The following ATP2C1 variants were observed in gnomAD, a reference collection of about 807,000 sequenced individuals.
ATP2C1 encodes calcium-transporting ATPase type 2C member 1.
ATP2C1 carries 31 observed loss-of-function variants against 120.5 expected under a neutral mutation model. The ratio of observed to expected loss-of-function variants is 0.26; its 90% CI spans 0.19 to 0.35. The LOEUF is 0.35. Ranked by LOEUF, ATP2C1 falls within the 10% of genes least tolerant of loss-of-function variation. ATP2C1 has a pLI of 1.00. For missense variants in ATP2C1, 731 were observed against 1,107.5 expected, an observed-to-expected ratio of 0.66 and a Z score of 4.83; for synonymous variants, 351 against 358.7, an observed-to-expected ratio of 0.98 and a Z score of 0.24.
At chr3:130,878,129 G>A (rs867921052) in intron 1 of ATP2C1, among the ~76,000 whole-genome samples, 2 of 120,984 alleles carry the variant, frequency 1.7e-5, no homozygotes, top group South Asian at 6.6e-4. Context: ...CACACACTGG[G>A]GCCTGTCGTG....
chr3:130,944,558 C>G (rs995448456), intron 8 of ATP2C1, among the ~76,000 whole-genome samples: 10 of 152,068 alleles, frequency 6.6e-5, no homozygotes, highest in Non-Finnish European at 1.5e-4. Context: ...GCCTCATGAC[C>G]GCATCTAACC....
At chr3:130,879,912 G>A (rs1207157206) in intron 1 of ATP2C1, among the ~76,000 whole-genome samples, 1 of 152,116 alleles carries the variant, frequency 6.6e-6, no homozygotes, top group East Asian at 1.9e-4. Flanking sequence ...TTGGGCCCCT[G>A]GGCAGCACAT....
rs1469846161 is a variant in ATP2C1, at chr3:130,894,327, C to T, written c.-191C>T. On this transcript the variant is annotated 5_prime_UTR_variant, in exon 1 of 28. Transcript: ENST00000510168. This position sits in a 1 kb window ranked among gnomAD's most constrained non-coding sequence, Gnocchi z 4.5. ...CCCCGCAGCCTGGAGGAGGGCTGTC[C>T]GGGGCTTTGGGTGGGTACCAGTATT... 1.0e-5 allele frequency: 10 copies of T among 994,734 alleles called. No homozygotes were observed. The highest frequency in any genetic ancestry group is 4.3e-5 in the South Asian group (1 of 23,098). The allele number at this position is 994,734 out of a possible 1,614,324, so 61.6% of individuals were successfully genotyped here. A position where few individuals can be genotyped will look rare whatever the true frequency, so the allele number is the denominator to read the frequency against.
chr3:130,982,960 A>G (rs746396042), intron 20 of ATP2C1, among the ~76,000 whole-genome samples: 41 of 152,190 alleles, frequency 2.7e-4, no homozygotes, highest in Non-Finnish European at 5.1e-4. Flanking sequence ...GCTACTTTAT[A>G]CTGTTATAAT....
rs941791608 is a variant in ATP2C1 at position 130,941,719 on chromosome 3, G to A, written c.531+20G>A. ...TTTGAGGTAAATTTGGGATCTGATT[G>A]TAATAAGTGAAAATACGTGGATGTA... is the stretch of plus-strand genomic sequence containing the variant. On this transcript the variant is annotated intron_variant, in intron 8 of 27. Coordinates refer to ENST00000510168, the MANE Select transcript of ATP2C1 (RefSeq NM_001378687.1). The A allele has an allele frequency of 4.5e-6, 7 of 1,559,572 alleles. No homozygotes were observed. The highest frequency in any genetic ancestry group is 6.2e-6 in the Non-Finnish European group (7 of 1,130,574).
chr3:130,859,194 G>A lies in ATP2C1; in HGVS notation c.108+8266G>A, dbSNP rs184964077. On this transcript the variant is annotated intron_variant, in intron 1 of 26. Transcript: ENST00000504381. Reference sequence around the variant, plus strand: ...GCATAGATGTGTAGTTAGGATTCCCGTTTTATTTGGTTAGTGGTAAATACT... The same window carrying A: ...GCATAGATGTGTAGTTAGGATTCCCATTTTATTTGGTTAGTGGTAAATACT... 4.3e-4 allele frequency among the ~76,000 whole-genome samples: 65 copies of A among 152,268 alleles called. No individual in the cohort carries two copies. The East Asian group carries it at 0.011, about 25-fold the overall frequency.
chr3:131,001,364 A>C lies in ATP2C1; in HGVS notation c.*14A>C. 1 of 1,611,526 alleles carries C rather than the reference A, an allele frequency of 6.2e-7. No individual in the cohort carries two copies. Among genetic ancestry groups the C allele is most frequent in the Non-Finnish European group, 8.5e-7 (1 of 1,178,576 alleles). The stretch of plus-strand genomic sequence containing the variant: ...CTTGAAGTATGATGCATATTGCATT[A>C]TTTTATTTGCAAACTAGGAATTGCA... On this transcript the variant is annotated 3_prime_UTR_variant, in exon 28 of 28. Transcript: ENST00000510168.
chr3:130,923,247 G>C (rs1437634568), intron 2 of ATP2C1, among the ~76,000 whole-genome samples: 2 of 150,642 alleles, frequency 1.3e-5, no homozygotes, highest in African/African-American at 4.9e-5. Flanking sequence ...TTTTGTTGGA[G>C]ACAGAGTCTT....
chr3:130,934,575 T>G (rs2059587314), intron 4 of ATP2C1, 47 bp from the exon 5 acceptor site: 1 of 1,228,552 alleles, frequency 8.1e-7, no homozygotes, highest in East Asian at 2.3e-5. Context: ...CTGAGAGAAC[T>G]GTCATGTACA....
chr3:130,941,575 C>A lies in ATP2C1; in HGVS notation c.423-16C>A, dbSNP rs577180283. 1.6e-5 allele frequency: 25 copies of A among 1,598,282 alleles called. No homozygotes were observed. The Admixed American group carries it at 1.7e-4, about 11-fold the overall frequency. The stretch of plus-strand genomic sequence containing the variant: ...TTTTTTTTTTTAACCATGGTTGTTT[C>A]TATTTCGTGTTACAGTGTGCGTGAA... On this transcript the variant is annotated splice_polypyrimidine_tract_variant and intron_variant, in intron 7 of 27. Transcript: ENST00000510168.
chr3:130,888,011 GATTA>G (rs2069036489), intron 1 of ATP2C1, among the ~76,000 whole-genome samples: 1 of 152,154 alleles, frequency 6.6e-6, no homozygotes, highest in South Asian at 2.1e-4. Flanking sequence ...TATTGCGGCT[GATTA>G]TTTAGTACCC....
At position 130,894,573 on chromosome 3, in the gene ATP2C1, C is replaced by T. The variant is rs150899983; in HGVS notation, c.-180-17C>T. 3 of 1,446,718 alleles carry T rather than the reference C, an allele frequency of 2.1e-6. No homozygotes were observed. The highest frequency in any genetic ancestry group is 2.7e-6 in the Non-Finnish European group (3 of 1,098,662). The allele number at this position is 1,446,718 out of a possible 1,614,324, so 89.6% of individuals were successfully genotyped here. Reference sequence around the variant, plus strand: ...TCAGCCTCTCGTCAGCGCCGCTTCTCCTGGTTTCTCTTGCAGATGCTGCTG... The same window carrying T: ...TCAGCCTCTCGTCAGCGCCGCTTCTTCTGGTTTCTCTTGCAGATGCTGCTG... On this transcript the variant is annotated splice_polypyrimidine_tract_variant and intron_variant, in intron 1 of 27. Transcript: ENST00000510168. The surrounding 1 kb of genome is among the most constrained non-coding windows in gnomAD (Gnocchi z 4.5).
chr3:130,913,520 A>G (rs2058541853), intron 2 of ATP2C1, among the ~76,000 whole-genome samples: 1 of 152,226 alleles, frequency 6.6e-6, no homozygotes, highest in African/African-American at 2.4e-5. Flanking sequence ...TGGCATCAGA[A>G]GACTGTACAG....
At chr3:130,933,340 A>G (rs188857761) in intron 4 of ATP2C1, among the ~76,000 whole-genome samples, 1 of 152,314 alleles carries the variant, frequency 6.6e-6, no homozygotes, top group Admixed American at 6.5e-5. Flanking sequence ...TTTAGGGGAA[A>G]ATAAAAAAGA....
Position 130,965,067 on chromosome 3 carries a change from A to G in ATP2C1, c.1122+22A>G, listed in dbSNP as rs183567655. On this transcript the variant is annotated intron_variant, in intron 14 of 27. Coordinates refer to ENST00000510168, the MANE Select transcript of ATP2C1 (RefSeq NM_001378687.1). ...TGAGGTACTCTATAGGTTTTTAAAA[A>G]CAAACAAAAACAGTATCCCTTTAAG... is the stretch of plus-strand genomic sequence containing the variant. The G allele has an allele frequency of 2.6e-5, 39 of 1,527,318 alleles. No homozygotes were observed. In the African/African-American group the frequency reaches 4.1e-4, roughly 16 times the overall value. The allele number at this position is 1,527,318 out of a possible 1,614,324, so 94.6% of individuals were successfully genotyped here.
At chr3:130,892,618 A>G (rs2069219980), upstream of ATP2C1, among the ~76,000 whole-genome samples, 2 of 151,258 alleles carry the variant, frequency 1.3e-5, no homozygotes, top group Non-Finnish European at 2.9e-5. Flanking sequence ...CAAATATAGA[A>G]GCACAGGCAA....
chr3:130,899,399 T>C (rs1271279382), intron 2 of ATP2C1: 8 of 152,234 alleles, frequency 5.3e-5, no homozygotes, highest in African/African-American at 1.7e-4. Flanking sequence ...AGAAAAAAAC[T>C]TACCAAGAAA....
intron 1 of ATP2C1, among the ~76,000 whole-genome samples, chr3:130,877,574 C>T (rs1172767116): frequency 6.6e-6 from 1 of 152,038 alleles, no homozygotes; most frequent in Non-Finnish European, 1.5e-5. Flanking sequence ...AAATGCAAAT[C>T]AAAACCACAA....
In ATP2C1 at chr3:130,894,256, T is replaced by G. The variant is rs912626698; in HGVS notation, c.-262T>G. 1.3e-5 allele frequency: 13 copies of G among 983,944 alleles called. No individual in the cohort carries two copies. In the African/African-American group the frequency reaches 2.3e-4, roughly 17 times the overall value. The allele number at this position is 983,944 out of a possible 1,614,324, so 61.0% of individuals were successfully genotyped here. ...ACCGCTGCCCCGCGAGCAGCTCCTC[T>G]TCTCCCGAGGCGCGCGGGGCGCCCC... On this transcript the variant is annotated 5_prime_UTR_variant, in exon 1 of 28. Transcript: ENST00000510168. The surrounding 1 kb of genome is among the most constrained non-coding windows in gnomAD (Gnocchi z 4.5).
Sources: gnomAD v4.1 joint callset for allele counts (sites outside exome capture counted in the v4.1 genomes callset) on GRCh38, gnomAD v4.1.1 for gene constraint, Gnocchi (gnomAD v3.1) non-coding constraint, MANE v1.5 for transcripts, NCBI Gene and HGNC (gene_info 2026-07-23, HGNC 2026-07-21) for gene names.